SPOCK1: variants seen among roughly 807,000 people sequenced by gnomAD.
SPOCK1 encodes SPARC (osteonectin), cwcv and kazal like domains proteoglycan 1.
A neutral mutation model predicts 55.3 loss-of-function variants in SPOCK1; 23 were observed. That is an observed-to-expected ratio of 0.42 (90% CI 0.30 to 0.59). The LOEUF is 0.59. SPOCK1 is among the 20% of genes least tolerant of loss of function. The probability of loss-of-function intolerance (pLI) is 0.22; values close to 1 mark genes in which losing one functional copy is unlikely to be tolerated. For synonymous variants in SPOCK1, 226 were observed against 221.0 expected, an observed-to-expected ratio of 1.02 and a Z score of -0.20; for missense variants, 499 against 552.5, an observed-to-expected ratio of 0.90 and a Z score of 0.97.
At chr5:137,387,774 T>C (rs751971401) in intron 2 of SPOCK1, among the ~76,000 whole-genome samples, 1 of 152,206 alleles carries the variant, frequency 6.6e-6, no homozygotes, top group Non-Finnish European at 1.5e-5. Flanking sequence ...ATGTTGATAA[T>C]AGCTCAGGCT....
intron 3 of SPOCK1, among the ~76,000 whole-genome samples, chr5:137,248,992 C>T (rs1991951): frequency 0.067 from 10,252 of 152,164 alleles, 1,053 homozygotes; most frequent in African/African-American, 0.23. Context: ...ATCTGGAGCC[C>T]AAAACCTTAG....
At chr5:137,489,769 T>C (rs1754135719) in intron 2 of SPOCK1, among the ~76,000 whole-genome samples, 1 of 152,236 alleles carries the variant, frequency 6.6e-6, no homozygotes, top group South Asian at 2.1e-4. Context: ...CAAACACATC[T>C]GATGGAAACA....
At chr5:137,232,998 C>G (rs1240207885) in intron 3 of SPOCK1, among the ~76,000 whole-genome samples, 1 of 152,134 alleles carries the variant, frequency 6.6e-6, no homozygotes. Context: ...AATCCCAGTC[C>G]TGCTCATTGT....
At chr5:137,355,647 T>G (rs1750775574) in intron 2 of SPOCK1, among the ~76,000 whole-genome samples, 1 of 152,184 alleles carries the variant, frequency 6.6e-6, no homozygotes, top group South Asian at 2.1e-4. Context: ...GGTGCTGGAC[T>G]GTCTCAGCAT....
At chr5:137,006,822 T>G (rs945637857) in intron 6 of SPOCK1, among the ~76,000 whole-genome samples, 2 of 152,210 alleles carry the variant, frequency 1.3e-5, no homozygotes, top group African/African-American at 4.8e-5. Flanking sequence ...AGTATGATAT[T>G]TGCTGTGGGA....
At chr5:137,454,029 G>A (rs780004852) in intron 2 of SPOCK1, among the ~76,000 whole-genome samples, 28 of 151,784 alleles carry the variant, frequency 1.8e-4, no homozygotes, top group Non-Finnish European at 3.1e-4. Flanking sequence ...AATAAAAGAC[G>A]GATACTACTT....
At chr5:137,066,915 T>G (rs1580733101) in intron 6 of SPOCK1, among the ~76,000 whole-genome samples, 1 of 150,088 alleles carries the variant, frequency 6.7e-6, no homozygotes, top group Admixed American at 6.7e-5. Context: ...TCATACCCCA[T>G]TCATTCCACT....
At chr5:137,099,522 G>A (rs147903741) in intron 5 of SPOCK1, among the ~76,000 whole-genome samples, 356 of 151,964 alleles carry the variant, frequency 2.3e-3, no homozygotes, top group Non-Finnish European at 3.7e-3. Flanking sequence ...GCTGAAACAG[G>A]CAAGTGTTCT....
rs1326068111 is a variant in SPOCK1 at position 137,218,332 on chromosome 5, A to G, written c.232+48678T>C. On this transcript the variant is annotated intron_variant, in intron 3 of 10. Transcript: ENST00000394945. ...CTAACTGACCAGAGAGAAATAATAG[A>G]AGGTATACCAAAGATGACCACATCA... Among the ~76,000 whole-genome samples the G allele has an allele frequency of 2.0e-5, 3 of 152,354 alleles. No individual in the cohort carries two copies. The East Asian group carries it at 5.8e-4, about 29-fold the overall frequency.
At chr5:137,455,656 G>A (rs13181573) in intron 2 of SPOCK1, among the ~76,000 whole-genome samples, 61,499 of 151,930 alleles carry the variant, frequency 0.4, 13,552 homozygotes, top group East Asian at 0.64. Context: ...CAGCACTGGG[G>A]ATCTGACACA....
intron 2 of SPOCK1, among the ~76,000 whole-genome samples, chr5:137,343,309 A>G (rs1401343895): frequency 6.6e-6 from 1 of 152,150 alleles, no homozygotes; most frequent in Non-Finnish European, 1.5e-5. Flanking sequence ...TTCCTTCCCT[A>G]CTGAGGACCC....
intron 2 of SPOCK1, among the ~76,000 whole-genome samples, chr5:137,420,405 A>G (rs374859335): frequency 5.9e-5 from 9 of 152,112 alleles, no homozygotes; most frequent in Admixed American, 3.3e-4. Flanking sequence ...GGTAGAATTC[A>G]GCTGTGAATC....
intron 2 of SPOCK1, among the ~76,000 whole-genome samples, chr5:137,381,803 G>A (rs1011662435): frequency 6.6e-6 from 1 of 152,194 alleles, no homozygotes; most frequent in African/African-American, 2.4e-5. Context: ...TATCTGAAAT[G>A]CCTTTGAGGC....
chr5:137,095,029 G>A (rs1561607045), intron 5 of SPOCK1, among the ~76,000 whole-genome samples: 1 of 152,164 alleles, frequency 6.6e-6, no homozygotes, highest in African/African-American at 2.4e-5. Flanking sequence ...ATAAGGAACA[G>A]GGATGCCCAT....
At chr5:137,016,543 TA>T (rs762442017) in intron 6 of SPOCK1, among the ~76,000 whole-genome samples, 1 of 152,198 alleles carries the variant, frequency 6.6e-6, no homozygotes, top group Non-Finnish European at 1.5e-5. Context: ...AGGCTTGTAC[TA>T]AAAAACCCAG....
intron 2 of SPOCK1, among the ~76,000 whole-genome samples, chr5:137,448,283 C>A (rs1252570010): frequency 6.6e-6 from 1 of 152,126 alleles, no homozygotes; most frequent in Non-Finnish European, 1.5e-5. Context: ...TAAATACATA[C>A]CCACTCGCTG....
At chr5:137,372,352 C>A (rs896262547) in intron 2 of SPOCK1, among the ~76,000 whole-genome samples, 3 of 152,204 alleles carry the variant, frequency 2.0e-5, no homozygotes, top group African/African-American at 7.2e-5. Flanking sequence ...CAATACCCTC[C>A]CTGAGCAATA....
chr5:137,263,791 A>G (rs992693989), intron 3 of SPOCK1, among the ~76,000 whole-genome samples: 3 of 152,184 alleles, frequency 2.0e-5, no homozygotes, highest in Non-Finnish European at 4.4e-5. Flanking sequence ...TTCTTAGAAA[A>G]GTCTGAAGTT....
intron 3 of SPOCK1, among the ~76,000 whole-genome samples, chr5:137,165,220 G>T (rs902119280): frequency 3.9e-5 from 6 of 152,216 alleles, no homozygotes; most frequent in Admixed American, 6.5e-5. Flanking sequence ...GCTCAGAACA[G>T]AAAGAAAGAC....
Sources: allele counts gnomAD v4.1 joint callset (sites outside exome capture counted in the v4.1 genomes callset), GRCh38; gene constraint gnomAD v4.1.1; transcripts MANE v1.5; gene names NCBI Gene and HGNC (gene_info 2026-07-23, HGNC 2026-07-21).